ZNF142: variants seen among roughly 807,000 people sequenced by gnomAD.
The protein encoded by ZNF142 is zinc finger protein 142, also known as zinc finger protein 142 (clone pHZ-49).
A neutral mutation model predicts 132.1 loss-of-function variants in ZNF142; 96 were observed. That is an observed-to-expected ratio of 0.73 (90% CI 0.62 to 0.86). The LOEUF (loss-of-function observed/expected upper bound fraction) is 0.86. Among genes scored for constraint, ZNF142 ranks in the 40% least tolerant of loss-of-function variants. ZNF142 has a pLI of 0.00. For synonymous variants in ZNF142, 842 were observed against 890.1 expected (o/e 0.95, Z 0.96); for missense variants, 2,163 against 2,336.2 (o/e 0.93, Z 1.53).
At chr2:218,651,132 T>C (rs1209681854) in intron 5 of ZNF142, among the ~76,000 whole-genome samples, 1 of 151,946 alleles carries the variant, frequency 6.6e-6, no homozygotes, top group Non-Finnish European at 1.5e-5. Flanking sequence ...ACTACAGACA[T>C]GTACCACCAC....
In ZNF142 at chr2:218,645,021, G is replaced by T. The variant is rs1229035004; in HGVS notation, c.2095C>A (p.Gln699Lys). 1 of 1,613,850 alleles carries T rather than the reference G, an allele frequency of 6.2e-7. No individual in the cohort carries two copies. Among genetic ancestry groups the T allele is most frequent in the Non-Finnish European group, 8.5e-7 (1 of 1,179,908 alleles). Reference protein sequence around the residue: ...QCSYRCHRADQLSSHKLRHQG... With the variant: ...QCSYRCHRADKLSSHKLRHQG... ...TGCCGCAGCTTGTGGCTGCTCAGCT[G>T]ATCAGCCCGGTGACAGCGATAGGAG... The change falls in exon 9 of 11, where the codon CAG becomes AAG. Residue 699 changes from glutamine (Q) to lysine (K), a missense_variant. Around this residue, in one of 7 missense-constraint regions of ZNF142, gnomAD observed 749 missense variants for 830.3 expected, o/e 0.90. Transcript: ENST00000411696.
At chr2:218,645,225 A>G (rs969720375) in intron 8 of ZNF142, among the ~76,000 whole-genome samples, 161 bp from the exon 9 acceptor site, 2 of 152,086 alleles carry the variant, frequency 1.3e-5, no homozygotes, top group Admixed American at 6.6e-5. Context: ...TGGTATCTCT[A>G]TTTTCCAAGT....
At chr2:218,646,112 G>A (rs1229590335) in intron 8 of ZNF142, 59 bp downstream of exon 8, 3 of 1,577,242 alleles carry the variant, frequency 1.9e-6, no homozygotes, top group African/African-American at 2.7e-5. Context: ...AGATCCGAGA[G>A]GAAGCTAGCT....
At chr2:218,640,266 G>A (rs561120227) in intron 10 of ZNF142, among the ~76,000 whole-genome samples, 49 of 152,144 alleles carry the variant, frequency 3.2e-4, no homozygotes, top group Non-Finnish European at 5.3e-4. Flanking sequence ...CCCAGGAGAA[G>A]AAAAGGACAG....
rs1486888938 is a variant in ZNF142, at chr2:218,635,710, A to G, written c.*2629T>C. 2.0e-6 allele frequency: 3 copies of G among 1,488,156 alleles called. No homozygotes were observed. In the African/African-American group the frequency reaches 4.3e-5, roughly 21 times the overall value. 92.2% of individuals were successfully genotyped at this position (1,488,156 alleles called of 1,614,324 possible). On this transcript the variant is annotated 3_prime_UTR_variant, in exon 11 of 11. Coordinates refer to ENST00000411696, the MANE Select transcript of ZNF142 (RefSeq NM_001379659.1). ...ATGGAGGATGTTTTACAAACCAAAAAGCTTCTTCTCCCCTGGGGTTGGGAG... is the reference window on the plus strand; with the variant it reads ...ATGGAGGATGTTTTACAAACCAAAAGGCTTCTTCTCCCCTGGGGTTGGGAG...
At chr2:218,651,642 T>TA in intron 5 of ZNF142, 59 bp downstream of exon 5, 4 of 1,214,436 alleles carry the variant, frequency 3.3e-6, no homozygotes, top group Non-Finnish European at 3.1e-6. Context: ...CTGCCTCTCC[T>TA]ATAAGATCAA....
intron 4 of ZNF142, among the ~76,000 whole-genome samples, chr2:218,652,773 G>A (rs1488594040): frequency 2.6e-5 from 4 of 152,118 alleles, no homozygotes; most frequent in Non-Finnish European, 4.4e-5. Context: ...AATTGCTGCC[G>A]TTTTAAAAGC....
chr2:218,645,765 TTTCC>T (rs1359708371), intron 8 of ZNF142, among the ~76,000 whole-genome samples: 21 of 152,322 alleles, frequency 1.4e-4, no homozygotes, highest in African/African-American at 4.3e-4. Context: ...CTCTTTTTTC[TTTCC>T]TTTTCTTTTT....
rs1697729104 is a variant in ZNF142 at position 218,646,312 on chromosome 2, G to T, written c.1910C>A (p.Thr637Lys). The T allele has an allele frequency of 6.2e-7, 1 of 1,614,114 alleles. No homozygotes were observed. Among genetic ancestry groups the T allele is most frequent in the South Asian group, 1.1e-5 (1 of 91,092 alleles). The part of the protein sequence containing the change: ...KPHKCELCDF[T>K]CRDVSYLSKH... ...GGATAGGTAGCTCACGTCTCGGCAT[G>T]TGAAGTCACACAGCTCACACTTGTG... Residue 637 changes from threonine to lysine, a missense_variant, in exon 8 of 11, where the codon ACA (threonine) becomes AAA (lysine). By Grantham distance (78) the Thr-to-Lys change is moderately conservative. This residue lies in a region of ZNF142 where 749 missense variants were observed against 830.3 expected (regional missense o/e 0.90). Transcript: ENST00000411696.
chr2:218,640,444 G>C (rs1365826838), intron 10 of ZNF142, among the ~76,000 whole-genome samples: 2 of 152,194 alleles, frequency 1.3e-5, no homozygotes, highest in Admixed American at 6.5e-5. Context: ...GAAGCTTTTG[G>C]AAAGTACATA....
Position 218,643,810 on chromosome 2 carries a change from T to G in ZNF142, c.3306A>C (p.Pro1102=), listed in dbSNP as rs562336482. ...CAGGTTGCAGAGGGATGGGTGAATC[T>G]GGTCTGGGCAAGCCCTTGTTCTTTC... is the stretch of plus-strand genomic sequence containing the variant. ...LLRKNKGLPR[P]DSPIPLQPVL... Residue 1102 remains proline (P), a synonymous_variant, in exon 9 of 11, where the codon CCA becomes CCC. Transcript: ENST00000411696. 8.1e-6 allele frequency: 13 copies of G among 1,611,398 alleles called. No individual in the cohort carries two copies. In the African/African-American group the frequency reaches 1.1e-4, roughly 13 times the overall value.
intron 9 of ZNF142, 118 bp downstream of exon 9, chr2:218,641,910 G>A (rs544584875): frequency 4.5e-6 from 6 of 1,320,742 alleles, no homozygotes; most frequent in Non-Finnish European, 6.1e-6. Context: ...GCTTGGTAAA[G>A]GAACTTTCCC....
chr2:218,659,568 C>T lies in ZNF142; in HGVS notation c.-561G>A, dbSNP rs902530079. 2 of 152,392 alleles carry T rather than the reference C, an allele frequency of 1.3e-5. No individual in the cohort carries two copies. The highest frequency in any genetic ancestry group is 6.5e-5 in the Admixed American group (1 of 15,308). The allele number at this position is 152,392 out of a possible 1,614,324, so 9.4% of individuals were successfully genotyped here. Reference sequence around the variant, plus strand: ...TGTGGTTTTTCCCGCCCTCCACCCCCACTCCAGCCCTGAAGCCGGAGAAGC... The same window carrying T: ...TGTGGTTTTTCCCGCCCTCCACCCCTACTCCAGCCCTGAAGCCGGAGAAGC... On this transcript the variant is annotated 5_prime_UTR_variant, in exon 1 of 11. Coordinates refer to ENST00000411696, the MANE Select transcript of ZNF142 (RefSeq NM_001379659.1). The surrounding 1 kb of genome is among the most constrained non-coding windows in gnomAD (Gnocchi z 4.4).
Position 218,633,572 on chromosome 2 carries a change from G to A in ZNF142, c.*4767C>T. On this transcript the variant is annotated 3_prime_UTR_variant, in exon 11 of 11. Transcript: ENST00000411696. ...CTTCTTCTCTCTCAGACTGCTGAGG[G>A]TTCAATTCCATCTTCTTTTCCACCT... is the stretch of plus-strand genomic sequence containing the variant. The A allele has an allele frequency of 1.9e-6, 3 of 1,606,064 alleles. No individual in the cohort carries two copies. Among genetic ancestry groups the A allele is most frequent in the Non-Finnish European group, 2.6e-6 (3 of 1,172,836 alleles).
Position 218,656,251 on chromosome 2 carries a change from AGCAG to A in ZNF142, c.175_178del (p.Leu59TrpfsTer2). ...CTCTTCAGTTGCTGTGGCCTCTACCAGCAGGCAGCCTGGCTCAGTAGGTATAGGT... is the reference window on the plus strand; with the variant it reads ...CTCTTCAGTTGCTGTGGCCTCTACCAGCAGCCTGGCTCAGTAGGTATAGGT... On this transcript the variant is annotated frameshift_variant, in exon 4 of 11. Transcript: ENST00000411696. LOFTEE classifies it high-confidence loss of function. The A allele has an allele frequency of 6.2e-7, 1 of 1,613,626 alleles. No individual in the cohort carries two copies. The highest frequency in any genetic ancestry group is 1.3e-5 in the African/African-American group (1 of 75,024).
In ZNF142 at chr2:218,644,761, G is replaced by A. The variant is rs1697586242; in HGVS notation, c.2355C>T (p.Asn785=). Residue 785 remains asparagine (N), a synonymous_variant, in exon 9 of 11, where the codon AAC becomes AAT. Coordinates refer to ENST00000411696, the MANE Select transcript of ZNF142 (RefSeq NM_001379659.1). This position sits in a 1 kb window ranked among gnomAD's most constrained non-coding sequence, Gnocchi z 4.6. ...TGCGTTTATGGAACAAGAGTGTGGT[G>A]TTGCTGAAGGTGCGGTAGTCACAGA... ...CALCDYRTFS[N]TTLLFHKRKA... The A allele has an allele frequency of 6.2e-7, 1 of 1,614,112 alleles. No individual in the cohort carries two copies. Among genetic ancestry groups the A allele is most frequent in the African/African-American group, 1.3e-5 (1 of 74,932 alleles).
In ZNF142 at chr2:218,636,020, A is replaced by G; in HGVS notation, c.*2319T>C. On this transcript the variant is annotated 3_prime_UTR_variant, in exon 11 of 11. Coordinates refer to ENST00000411696, the MANE Select transcript of ZNF142 (RefSeq NM_001379659.1). ...TCTTCCATTAAGTATAGCATCTGTT[A>G]TTGCATGTCCCCACATGGGAGGCAG... 6.3e-7 allele frequency: 1 copy of G among 1,578,010 alleles called. No homozygotes were observed. Among genetic ancestry groups the G allele is most frequent in the South Asian group, 1.2e-5 (1 of 86,838 alleles).
Position 218,649,319 on chromosome 2 carries a change from G to A in ZNF142, c.1189C>T (p.Gln397Ter). The A allele has an allele frequency of 6.2e-7, 1 of 1,614,224 alleles. No homozygotes were observed. Among genetic ancestry groups the A allele is most frequent in the Non-Finnish European group, 8.5e-7 (1 of 1,180,040 alleles). ...PDPSLQCPNC[Q>*]KFFTSKSKLK... Reference sequence around the variant, plus strand: ...TTGCTCTTACTGGTGAAGAACTTCTGGCAGTTAGGGCACTGGAGGCTGGGG... The same window carrying A: ...TTGCTCTTACTGGTGAAGAACTTCTAGCAGTTAGGGCACTGGAGGCTGGGG... Residue 397 changes from glutamine to a stop codon, truncating the protein, a stop_gained, in exon 7 of 11, where the codon CAG (glutamine) becomes TAG (stop). Transcript: ENST00000411696. LOFTEE classifies it high-confidence loss of function.
At position 218,633,571 on chromosome 2, in the gene ZNF142, G is replaced by C. The variant is rs536156238; in HGVS notation, c.*4768C>G. The C allele has an allele frequency of 1.2e-6, 2 of 1,604,384 alleles. No individual in the cohort carries two copies. The highest frequency in any genetic ancestry group is 2.2e-5 in the South Asian group (2 of 90,856). ...TCTTCTTCTCTCTCAGACTGCTGAG[G>C]GTTCAATTCCATCTTCTTTTCCACC... On this transcript the variant is annotated 3_prime_UTR_variant, in exon 11 of 11. Coordinates refer to ENST00000411696, the MANE Select transcript of ZNF142 (RefSeq NM_001379659.1).
Sources: gnomAD v4.1 joint callset for allele counts (sites outside exome capture counted in the v4.1 genomes callset) on GRCh38, gnomAD v4.1.1 for gene constraint, gnomAD v4.1.1 regional missense constraint, Gnocchi (gnomAD v3.1) non-coding constraint, MANE v1.5 for transcripts, NCBI Gene and HGNC (gene_info 2026-07-23, HGNC 2026-07-21) for gene names.